The following VEZT variants were observed in gnomAD, a reference collection of about 807,000 sequenced individuals.
VEZT encodes vezatin.
A neutral mutation model predicts 79.9 loss-of-function variants in VEZT; 39 were observed. The ratio of observed to expected loss-of-function variants is 0.49; its 90% CI spans 0.38 to 0.64. The LOEUF is 0.64. VEZT is among the 30% of genes least tolerant of loss of function. VEZT has a pLI of 0.00. For missense variants in VEZT, 837 were observed against 893.1 expected (o/e 0.94, Z 0.80); for synonymous variants, 325 against 327.6 (o/e 0.99, Z 0.09).
rs1316544050 is a variant in VEZT, at chr12:95,302,055, C to T, written c.*1382C>T. 6.6e-6 allele frequency: 1 copy of T among 152,152 alleles called. No homozygotes were observed. The highest frequency in any genetic ancestry group is 1.5e-5 in the Non-Finnish European group (1 of 68,012). The allele number at this position is 152,152 out of a possible 1,614,324, so 9.4% of individuals were successfully genotyped here. A position where few individuals can be genotyped will look rare whatever the true frequency, so the allele number is the denominator to read the frequency against. On this transcript the variant is annotated 3_prime_UTR_variant, in exon 12 of 12. Transcript: ENST00000436874. ...GAGCAATACCTTAGGTTGGGCCTTGCTTTACTACTTAGAAATAGCTAAATT... is the reference window on the plus strand; with the variant it reads ...GAGCAATACCTTAGGTTGGGCCTTGTTTTACTACTTAGAAATAGCTAAATT...
At chr12:95,280,068 C>G (rs759322210) in intron 7 of VEZT, among the ~76,000 whole-genome samples, 16 of 152,200 alleles carry the variant, frequency 1.1e-4, no homozygotes, top group Non-Finnish European at 2.1e-4. Context: ...CCACCACTAA[C>G]CACCGTGGTC....
chr12:95,249,908 AATGATAATG>A (rs2062256901), intron 1 of VEZT, among the ~76,000 whole-genome samples: 1 of 133,990 alleles, frequency 7.5e-6, no homozygotes, highest in East Asian at 2.0e-4. Context: ...TAAAAATAAT[AATGATAATG>A]ATGATAATAA....
chr12:95,231,431 T>G (rs1348456523), intron 1 of VEZT: 1 of 152,158 alleles, frequency 6.6e-6, no homozygotes, highest in Non-Finnish European at 1.5e-5. Context: ...GTGGTTCTTC[T>G]GGAGAAACAA....
At chr12:95,289,417 C>CA (rs146728004) in intron 9 of VEZT, among the ~76,000 whole-genome samples, 6,485 of 69,420 alleles carry the variant, frequency 0.093, 345 homozygotes, top group East Asian at 0.23. Context: ...ACTCTTGTCT[C>CA]AAAAAAAAAA....
intron 1 of VEZT, among the ~76,000 whole-genome samples, chr12:95,227,334 C>CT (rs62891361): frequency 6.3e-4 from 80 of 126,082 alleles, no homozygotes; most frequent in East Asian, 4.1e-3. Flanking sequence ...CTAATTTTTT[C>CT]TTTTTTTTTT....
At chr12:95,294,174 A>G in intron 9 of VEZT, 98 bp from the exon 10 acceptor site, 1 of 1,002,514 alleles carries the variant, frequency 1.0e-6, no homozygotes, top group Non-Finnish European at 1.5e-6. Flanking sequence ...GGCATGAGCC[A>G]CCACACCTGG....
intron 1 of VEZT, chr12:95,244,033 A>T (rs551411220): frequency 2.2e-6 from 1 of 455,276 alleles, no homozygotes; most frequent in East Asian, 6.9e-5. Flanking sequence ...TTTATAAAAT[A>T]TGCAGTGTCA....
chr12:95,235,310 G>A (rs1260422737), intron 1 of VEZT, among the ~76,000 whole-genome samples: 2 of 138,954 alleles, frequency 1.4e-5, no homozygotes, highest in Non-Finnish European at 1.6e-5. Flanking sequence ...CCTCCCTCCC[G>A]GACGGGGCGG....
chr12:95,275,481 G>A (rs1280989299), intron 7 of VEZT, among the ~76,000 whole-genome samples: 1 of 151,912 alleles, frequency 6.6e-6, no homozygotes, highest in African/African-American at 2.4e-5. Flanking sequence ...ATGCCTATGG[G>A]AGGCTGAGGC....
intron 5 of VEZT, among the ~76,000 whole-genome samples, chr12:95,268,219 G>A (rs1035716852): frequency 6.6e-6 from 1 of 152,078 alleles, no homozygotes; most frequent in South Asian, 2.1e-4. Flanking sequence ...TTTCCGGCCG[G>A]GCACGGTGGC....
At chr12:95,275,355 G>A (rs894787190) in intron 7 of VEZT, among the ~76,000 whole-genome samples, 1 of 152,172 alleles carries the variant, frequency 6.6e-6, no homozygotes, top group African/African-American at 2.4e-5. Flanking sequence ...CACTTTGGGA[G>A]GCCAAAGCAG....
rs1594073018 is a variant in VEZT, at chr12:95,286,421, C to G, written c.1329-1243C>G. ...AGCACCAAGTCTGCCTCATCTGAAT[C>G]CTTCCATTTCATGAGCAACATCAAT... On this transcript the variant is annotated intron_variant, in intron 8 of 11. Coordinates refer to ENST00000436874, the MANE Select transcript of VEZT (RefSeq NM_017599.4). 8 of 526,868 alleles carry G rather than the reference C, an allele frequency of 1.5e-5. No homozygotes were observed. In the East Asian group the frequency reaches 3.9e-4, roughly 26 times the overall value. The allele number at this position is 526,868 out of a possible 1,614,324, so 32.6% of individuals were successfully genotyped here.
intron 10 of VEZT, among the ~76,000 whole-genome samples, chr12:95,295,368 G>A (rs146741352): frequency 7.3e-4 from 111 of 151,842 alleles, no homozygotes; most frequent in African/African-American, 2.6e-3. Flanking sequence ...CACCATCTTG[G>A]CCAGGCTGGT....
chr12:95,278,214 TTCTA>T (rs1404789318), intron 7 of VEZT, among the ~76,000 whole-genome samples: 4 of 152,220 alleles, frequency 2.6e-5, no homozygotes, highest in Non-Finnish European at 5.9e-5. Flanking sequence ...ATTTTTAAAA[TTCTA>T]TCTGATATGG....
intron 1 of VEZT, among the ~76,000 whole-genome samples, chr12:95,248,743 C>T (rs1004131716): frequency 6.6e-6 from 1 of 150,558 alleles, no homozygotes. Context: ...GTCCCAGCTA[C>T]TCACGAGGCT....
intron 1 of VEZT, among the ~76,000 whole-genome samples, chr12:95,226,161 CTCT>C (rs1231481674): frequency 2.0e-5 from 3 of 151,770 alleles, no homozygotes; most frequent in Non-Finnish European, 4.4e-5. Context: ...TGGACTTCTG[CTCT>C]TCTTCCACCT....
At chr12:95,223,927 C>T (rs1159651004) in intron 1 of VEZT, among the ~76,000 whole-genome samples, 1 of 151,866 alleles carries the variant, frequency 6.6e-6, no homozygotes, top group Non-Finnish European at 1.5e-5. Flanking sequence ...ACCTAAATGC[C>T]CAAAATAACT....
In VEZT at chr12:95,275,094, C is replaced by T. The variant is rs142125179; in HGVS notation, c.996+205C>T. Reference sequence around the variant, plus strand: ...GGAAGAGGAGATCCTTAGATTTTGACGTCCAAATACTTAAAATGCTTAAAG... The same window carrying T: ...GGAAGAGGAGATCCTTAGATTTTGATGTCCAAATACTTAAAATGCTTAAAG... On this transcript the variant is annotated intron_variant, in intron 7 of 11. Transcript: ENST00000436874. Among the ~76,000 whole-genome samples, 137 of 152,236 alleles carry T rather than the reference C, an allele frequency of 9.0e-4. 1 individual carries two copies. The highest frequency in any genetic ancestry group is 3.4e-3 in the Middle Eastern group (1 of 294).
At chr12:95,228,966 C>T (rs2058865659) in intron 1 of VEZT, among the ~76,000 whole-genome samples, 1 of 152,092 alleles carries the variant, frequency 6.6e-6, no homozygotes, top group Non-Finnish European at 1.5e-5. Context: ...TTCAGCACTG[C>T]ACTCCAGCCT....
Sources: allele counts gnomAD v4.1 joint callset (sites outside exome capture counted in the v4.1 genomes callset), GRCh38; gene constraint gnomAD v4.1.1; transcripts MANE v1.5; gene names NCBI Gene and HGNC (gene_info 2026-07-23, HGNC 2026-07-21).